Variants in SRL observed in about 807,000 individuals in gnomAD.
The protein encoded by SRL is sarcalumenin.
SRL carries 23 observed loss-of-function variants against 39.5 expected under a neutral mutation model. The ratio of observed to expected loss-of-function variants is 0.58; its 90% confidence interval spans 0.42 to 0.82. The LOEUF (loss-of-function observed/expected upper bound fraction) is 0.82, where lower values mean the gene tolerates loss of function less well. Ranked by LOEUF, SRL falls within the 40% of genes least tolerant of loss-of-function variation. The probability of loss-of-function intolerance (pLI) is 0.00; values close to 1 mark genes in which losing one functional copy is unlikely to be tolerated. For missense variants in SRL, 592 were observed against 607.8 expected (o/e 0.97, Z 0.27); for synonymous variants, 272 against 237.4 (o/e 1.15, Z -1.34).
chr16:4,231,413 C>T (rs17136910), intron 1 of SRL, among the ~76,000 whole-genome samples: 1,914 of 152,234 alleles, frequency 0.013, 52 homozygotes, highest in African/African-American at 0.044. Flanking sequence ...CTAAGCCTGG[C>T]GCTGTGAGAG....
At chr16:4,224,359 G>T (rs1012137031) in intron 1 of SRL, among the ~76,000 whole-genome samples, 1 of 152,082 alleles carries the variant, frequency 6.6e-6, no homozygotes, top group African/African-American at 2.4e-5. Flanking sequence ...CACACAGTGG[G>T]AGGAATTCTG....
intron 1 of SRL, among the ~76,000 whole-genome samples, chr16:4,226,055 A>T (rs1291717): frequency 1.3e-5 from 2 of 151,868 alleles, no homozygotes; most frequent in Non-Finnish European, 2.9e-5. Flanking sequence ...TGTCTGACTC[A>T]CTCCTTCCTC....
intron 5 of SRL, among the ~76,000 whole-genome samples, chr16:4,193,654 T>C (rs901750611): frequency 6.6e-6 from 1 of 152,200 alleles, no homozygotes; most frequent in Non-Finnish European, 1.5e-5. Context: ...AAGATTACCA[T>C]GTTGCTGTAA....
At position 4,191,855 on chromosome 16, in the gene SRL, A is replaced by G; in HGVS notation, c.*298T>C. Reference sequence around the variant, plus strand: ...GACCCTCACTGATTTAAGATACACTAGAATTTAGCTGCTCTCTGTCCTTCC... The same window carrying G: ...GACCCTCACTGATTTAAGATACACTGGAATTTAGCTGCTCTCTGTCCTTCC... On this transcript the variant is annotated 3_prime_UTR_variant, in exon 6 of 6. Transcript: ENST00000399609. 3.0e-6 allele frequency: 1 copy of G among 338,582 alleles called. No individual in the cohort carries two copies. The highest frequency in any genetic ancestry group is 4.8e-5 in the East Asian group (1 of 20,728). 21.0% of individuals were successfully genotyped at this position (338,582 alleles called of 1,614,324 possible).
intron 1 of SRL, among the ~76,000 whole-genome samples, chr16:4,205,799 G>A (rs909266651): frequency 6.6e-6 from 1 of 152,074 alleles, no homozygotes; most frequent in Non-Finnish European, 1.5e-5. Flanking sequence ...GCAGCCTAGC[G>A]TGATAGTGCA....
chr16:4,241,910 T>G (rs542513331), intron 1 of SRL, 97 bp downstream of exon 1: 5 of 1,356,976 alleles, frequency 3.7e-6, no homozygotes, highest in African/African-American at 1.4e-5. Context: ...GGGTTTGCCA[T>G]CAGCCCCGAC....
At position 4,204,611 on chromosome 16, in the gene SRL, C is replaced by T. The variant is rs267604546; in HGVS notation, c.85G>A (p.Glu29Lys). The T allele has an allele frequency of 4.3e-5, 69 of 1,614,062 alleles. No individual in the cohort carries two copies. Among genetic ancestry groups the T allele is most frequent in the Non-Finnish European group, 5.8e-5 (68 of 1,180,040 alleles). ...TGGGAGCGGTCCCTCAATGGGGCTT[C>T]TTCATTTGCATCCTCCGTCTCTTCT... Reference protein sequence around the residue: ...QAEETEDANEEAPLRDRSHIE... With the variant: ...QAEETEDANEKAPLRDRSHIE... Residue 29 changes from glutamate to lysine, a missense_variant, in exon 2 of 6, where the codon GAA becomes AAA. Transcript: ENST00000399609.
At chr16:4,201,488 G>A (rs1221925977) in intron 3 of SRL, among the ~76,000 whole-genome samples, 2 of 144,878 alleles carry the variant, frequency 1.4e-5, no homozygotes, top group African/African-American at 2.7e-5. Context: ...TGTTGGCCAG[G>A]CTGGTCTCAA....
At chr16:4,241,173 G>C (rs904562244) in intron 1 of SRL, among the ~76,000 whole-genome samples, 1 of 152,120 alleles carries the variant, frequency 6.6e-6, no homozygotes, top group Non-Finnish European at 1.5e-5. Flanking sequence ...ATCCTAGGGG[G>C]ATCCCCGGAG....
chr16:4,240,945 G>GC (rs1419991590), intron 1 of SRL, among the ~76,000 whole-genome samples: 3 of 152,148 alleles, frequency 2.0e-5, no homozygotes, highest in African/African-American at 4.8e-5. Flanking sequence ...AGTGGCTGGA[G>GC]CCCCCCACCT....
intron 5 of SRL, 100 bp downstream of exon 5, chr16:4,195,453 C>A (rs1156878395): frequency 2.5e-5 from 30 of 1,186,660 alleles, no homozygotes; most frequent in Non-Finnish European, 3.4e-5. Flanking sequence ...CTGTCTTGGT[C>A]TCCCAAAGAG....
At chr16:4,202,374 A>G (rs2052247518) in intron 3 of SRL, among the ~76,000 whole-genome samples, 1 of 152,200 alleles carries the variant, frequency 6.6e-6, no homozygotes, top group African/African-American at 2.4e-5. Flanking sequence ...CGGGCAGATC[A>G]CGAGGTCCGC....
chr16:4,213,404 C>CTTTTTTTTTTTCTTTTT (rs2052417419), intron 1 of SRL, among the ~76,000 whole-genome samples: 3 of 69,582 alleles, frequency 4.3e-5, no homozygotes, highest in African/African-American at 8.2e-5. Context: ...TTTTCTTTTT[C>CTTTTTTTTTTTCTTTTT]TTTTTTTTTT....
chr16:4,218,142 C>T (rs1332462180), intron 1 of SRL, among the ~76,000 whole-genome samples: 1 of 152,138 alleles, frequency 6.6e-6, no homozygotes, highest in African/African-American at 2.4e-5. Flanking sequence ...CCCTGATTCA[C>T]CAGCAACATC....
chr16:4,204,425 C>G lies in SRL; in HGVS notation c.163+108G>C, dbSNP rs74003219. Reference sequence around the variant, plus strand: ...CCAAGATAGATACAGCCCCGGCCTCCAAGATACAGCCCCGGCACGCCCTGG... The same window carrying G: ...CCAAGATAGATACAGCCCCGGCCTCGAAGATACAGCCCCGGCACGCCCTGG... On this transcript the variant is annotated intron_variant, in intron 2 of 5. Coordinates refer to ENST00000399609, the MANE Select transcript of SRL (RefSeq NM_001098814.2). 5.5e-5 allele frequency: 33 copies of G among 604,004 alleles called. No homozygotes were observed. The African/African-American group carries it at 1.1e-3, about 20-fold the overall frequency. 37.4% of individuals were successfully genotyped at this position (604,004 alleles called of 1,614,324 possible).
intron 5 of SRL, among the ~76,000 whole-genome samples, chr16:4,194,362 C>T (rs893600248): frequency 6.6e-6 from 1 of 152,218 alleles, no homozygotes; most frequent in Non-Finnish European, 1.5e-5. Context: ...TGGTTTCTGT[C>T]TTTCTCATTT....
chr16:4,197,733 T>G, intron 4 of SRL, 66 bp downstream of exon 4: 1 of 1,224,280 alleles, frequency 8.2e-7, no homozygotes, highest in Non-Finnish European at 1.2e-6. Flanking sequence ...GCCAGTGATT[T>G]AAATTTTCAT....
At chr16:4,203,022 C>G in intron 3 of SRL, 144 bp downstream of exon 3, 1 of 717,038 alleles carries the variant, frequency 1.4e-6, no homozygotes. Flanking sequence ...AGACCCAGAC[C>G]CACAAGTCCT....
At chr16:4,224,233 AT>A (rs34787938) in intron 1 of SRL, among the ~76,000 whole-genome samples, 1 of 152,088 alleles carries the variant, frequency 6.6e-6, no homozygotes, top group Non-Finnish European at 1.5e-5. Flanking sequence ...GTATTTAAAC[AT>A]TTCTGGGCAT....
Sources: gnomAD v4.1 joint callset for allele counts (sites outside exome capture counted in the v4.1 genomes callset) on GRCh38, gnomAD v4.1.1 for gene constraint, MANE v1.5 for transcripts, NCBI Gene and HGNC (gene_info 2026-07-23, HGNC 2026-07-21) for gene names.